OXR1: variants seen among roughly 807,000 people sequenced by gnomAD.
OXR1 encodes oxidation resistance 1.
In OXR1, 41 loss-of-function variants were observed where a neutral mutation model predicts 104.6. The ratio of observed to expected loss-of-function variants is 0.39; its 90% CI spans 0.31 to 0.51. OXR1 has a LOEUF of 0.51. Among genes scored for constraint, OXR1 ranks in the 20% least tolerant of loss-of-function variants. The pLI is 0.77. For missense variants in OXR1, 955 were observed against 1,031.9 expected, an observed-to-expected ratio of 0.93 and a Z score of 1.02; for synonymous variants, 348 against 348.4, an observed-to-expected ratio of 1.00 and a Z score of 0.01.
At chr8:106,435,095 G>A (rs1471382582) in intron 2 of OXR1, among the ~76,000 whole-genome samples, 21 of 152,242 alleles carry the variant, frequency 1.4e-4, no homozygotes, top group Admixed American at 1.4e-3. Flanking sequence ...AGGGATCACT[G>A]TGCAGACATC....
intron 2 of OXR1, among the ~76,000 whole-genome samples, chr8:106,411,817 C>T (rs1818468223): frequency 6.6e-6 from 1 of 152,080 alleles, no homozygotes; most frequent in Non-Finnish European, 1.5e-5. Flanking sequence ...GGGGGCCCCA[C>T]CCATTCAGGA....
intron 10 of OXR1, among the ~76,000 whole-genome samples, chr8:106,712,678 C>T (rs1296910283): frequency 1.3e-5 from 2 of 152,034 alleles, no homozygotes; most frequent in Non-Finnish European, 2.9e-5. Flanking sequence ...CCTTTTCCCA[C>T]TCCACCATAT....
chr8:106,514,206 A>T (rs1812720617), intron 2 of OXR1, among the ~76,000 whole-genome samples: 1 of 152,100 alleles, frequency 6.6e-6, no homozygotes, highest in Non-Finnish European at 1.5e-5. Context: ...TCTCGTGCAC[A>T]CCTATATGTT....
intron 3 of OXR1, among the ~76,000 whole-genome samples, chr8:106,559,282 G>A (rs1396535145): frequency 1.3e-5 from 2 of 152,106 alleles, no homozygotes; most frequent in African/African-American, 2.4e-5. Context: ...GGCATGTACT[G>A]TCCATATTTC....
intron 1 of OXR1, among the ~76,000 whole-genome samples, chr8:106,308,598 G>A (rs75041260): frequency 1.3e-5 from 2 of 152,210 alleles, no homozygotes; most frequent in East Asian, 3.9e-4. Flanking sequence ...CGCTATTAAT[G>A]GCTTTCTAGT....
At chr8:106,473,268 C>T (rs1280778182) in intron 2 of OXR1, among the ~76,000 whole-genome samples, 1 of 151,690 alleles carries the variant, frequency 6.6e-6, no homozygotes, top group Non-Finnish European at 1.5e-5. Context: ...CTGGAAAATG[C>T]CTTTTGATGA....
intron 2 of OXR1, among the ~76,000 whole-genome samples, chr8:106,478,467 A>G (rs1370908979): frequency 6.6e-6 from 1 of 151,880 alleles, no homozygotes; most frequent in Non-Finnish European, 1.5e-5. Flanking sequence ...TAAAAGGGCA[A>G]TAAAAAAATC....
chr8:106,580,648 C>T (rs1433665622), intron 3 of OXR1, among the ~76,000 whole-genome samples: 2 of 152,050 alleles, frequency 1.3e-5, no homozygotes, highest in Non-Finnish European at 2.9e-5. Context: ...GAGGAAACTC[C>T]ATACTGTTTC....
At chr8:106,689,243 T>A (rs1207802803) in intron 6 of OXR1, among the ~76,000 whole-genome samples, 1 of 152,088 alleles carries the variant, frequency 6.6e-6, no homozygotes, top group Admixed American at 6.6e-5. Context: ...ATCATTGGCA[T>A]TCCTTATCTT....
chr8:106,568,080 T>C (rs1327234267), intron 3 of OXR1, among the ~76,000 whole-genome samples: 1 of 152,132 alleles, frequency 6.6e-6, no homozygotes, highest in African/African-American at 2.4e-5. Flanking sequence ...CAAGATTCTT[T>C]CCTGATCTAA....
intron 3 of OXR1, among the ~76,000 whole-genome samples, chr8:106,570,449 G>T (rs1817392833): frequency 6.6e-6 from 1 of 152,048 alleles, no homozygotes; most frequent in Non-Finnish European, 1.5e-5. Context: ...TGAGTGATAG[G>T]GTGAAATTGG....
At chr8:106,619,322 A>G (rs1244001164) in intron 3 of OXR1, among the ~76,000 whole-genome samples, 7 of 152,180 alleles carry the variant, frequency 4.6e-5, no homozygotes, top group African/African-American at 1.4e-4. Flanking sequence ...TTCAAAAGCA[A>G]TTATTTCATA....
At chr8:106,401,946 A>AT (rs1260449851) in intron 2 of OXR1, among the ~76,000 whole-genome samples, 2 of 152,182 alleles carry the variant, frequency 1.3e-5, no homozygotes, top group Non-Finnish European at 2.9e-5. Flanking sequence ...GAGAGTTGAT[A>AT]TATCTCTGAA....
At chr8:106,416,452 T>C (rs193122892) in intron 2 of OXR1, among the ~76,000 whole-genome samples, 52 of 152,214 alleles carry the variant, frequency 3.4e-4, no homozygotes, top group Admixed American at 1.2e-3. Flanking sequence ...GGTTTAAAAA[T>C]AATATTATTT....
Position 106,702,947 on chromosome 8 carries a change from A to G in OXR1, c.717A>G (p.Ile239Met). Residue 239 changes from isoleucine to methionine, a missense_variant, in exon 8 of 17, where the codon ATA becomes ATG. Ile to Met is a conservative substitution (Grantham distance 10). Transcript: ENST00000517566. ...SGVLLVTPNN[I>M]MFDPHKNDPL... ...TGCTGCTAGTTACACCAAATAATATAATGTTTGATCCACATAAAAATGACC... is the reference window on the plus strand; with the variant it reads ...TGCTGCTAGTTACACCAAATAATATGATGTTTGATCCACATAAAAATGACC... 1 of 1,613,776 alleles carries G rather than the reference A, an allele frequency of 6.2e-7. No homozygotes were observed. The highest frequency in any genetic ancestry group is 8.5e-7 in the Non-Finnish European group (1 of 1,179,772).
intron 3 of OXR1, among the ~76,000 whole-genome samples, chr8:106,521,978 G>A (rs909994569): frequency 3.3e-5 from 5 of 152,110 alleles, no homozygotes; most frequent in African/African-American, 9.7e-5. Context: ...TTATACTCCT[G>A]GAAAACTCTA....
intron 3 of OXR1, among the ~76,000 whole-genome samples, chr8:106,537,102 TG>T (rs2130292340): frequency 6.6e-6 from 1 of 152,110 alleles, no homozygotes; most frequent in African/African-American, 2.4e-5. Context: ...ATCTTCTCCT[TG>T]TATCCTCATG....
chr8:106,684,728 C>T (rs1156285610), intron 6 of OXR1, among the ~76,000 whole-genome samples: 2 of 152,036 alleles, frequency 1.3e-5, no homozygotes, highest in Non-Finnish European at 2.9e-5. Flanking sequence ...GTATATAGTA[C>T]TTAGAACTCT....
rs1832002524 is a variant in OXR1 at position 106,714,148 on chromosome 8, A to C, written c.1956+163A>C. ...TTGTGGTTATTGAATGAATCTGAAT[A>C]GTGACTTTAATACTATATTTGTCAT... On this transcript the variant is annotated intron_variant, in intron 11 of 16. Transcript: ENST00000517566. 2.0e-5 allele frequency among the ~76,000 whole-genome samples: 3 copies of C among 152,054 alleles called. No homozygotes were observed. The South Asian group carries it at 6.2e-4, about 31-fold the overall frequency.
Sources: gnomAD v4.1 joint callset for allele counts (sites outside exome capture counted in the v4.1 genomes callset) on GRCh38, gnomAD v4.1.1 for gene constraint, MANE v1.5 for transcripts, NCBI Gene and HGNC (gene_info 2026-07-23, HGNC 2026-07-21) for gene names.